The following SMYD3 variants were observed in gnomAD, a reference collection of about 807,000 sequenced individuals.
The protein encoded by SMYD3 is histone-lysine N-methyltransferase SMYD3.
SMYD3 carries 36 observed loss-of-function variants against 57.7 expected under a neutral mutation model. The observed-to-expected ratio is 0.62, with a 90% confidence interval of 0.48 to 0.82. SMYD3 has a LOEUF of 0.82. SMYD3 is among the 40% of genes least tolerant of loss of function. The pLI, the probability that SMYD3 is intolerant of heterozygous loss-of-function variation, is 0.00. For synonymous variants in SMYD3, 211 were observed against 195.0 expected (o/e 1.08, Z -0.68); for missense variants, 515 against 538.8 (o/e 0.96, Z 0.44).
intron 10 of SMYD3, among the ~76,000 whole-genome samples, chr1:245,802,301 G>C (rs76852369): frequency 2.0e-5 from 3 of 152,220 alleles, no homozygotes; most frequent in African/African-American, 7.2e-5. Flanking sequence ...GACAACTGCT[G>C]TGAAGCCATT....
At chr1:245,777,333 A>T (rs1000404393) in intron 10 of SMYD3, among the ~76,000 whole-genome samples, 16 of 152,256 alleles carry the variant, frequency 1.1e-4, no homozygotes, top group African/African-American at 3.9e-4. Context: ...GTACAAAACT[A>T]GTCAAAATTG....
intron 2 of SMYD3, among the ~76,000 whole-genome samples, chr1:246,350,929 G>A (rs942481365): frequency 6.6e-6 from 1 of 152,192 alleles, no homozygotes; most frequent in African/African-American, 2.4e-5. Flanking sequence ...ATACAAAGCT[G>A]ACTTATCTAC....
intron 1 of SMYD3, among the ~76,000 whole-genome samples, chr1:246,487,695 CTT>C (rs1169903118): frequency 1.2e-4 from 17 of 138,846 alleles, no homozygotes; most frequent in Admixed American, 1.5e-4. Context: ...CCACTCAGAT[CTT>C]TTTTTTTTTT....
intron 5 of SMYD3, among the ~76,000 whole-genome samples, chr1:245,979,807 T>C (rs1316607242): frequency 6.6e-6 from 1 of 151,918 alleles, no homozygotes; most frequent in Non-Finnish European, 1.5e-5. Context: ...AGCTAGATGG[T>C]CTCTAATTCC....
Position 246,297,393 on chromosome 1 carries a change from G to A in SMYD3, c.531+29808C>T, listed in dbSNP as rs191336617. Among the ~76,000 whole-genome samples the A allele has an allele frequency of 3.2e-3, 482 of 152,274 alleles. 2 individuals carry two copies. Among genetic ancestry groups the A allele is most frequent in the Non-Finnish European group, 5.2e-3 (351 of 68,002 alleles). On this transcript the variant is annotated intron_variant, in intron 5 of 11. Transcript: ENST00000490107. Reference sequence around the variant, plus strand: ...ATTTAGGATGTAACTAGTTACGTGAGTGAATTCACTTCAGTACGGTAGTAG... The same window carrying A: ...ATTTAGGATGTAACTAGTTACGTGAATGAATTCACTTCAGTACGGTAGTAG...
At chr1:246,483,648 G>C (rs970090082) in intron 1 of SMYD3, 2 of 152,148 alleles carry the variant, frequency 1.3e-5, no homozygotes, top group Non-Finnish European at 2.9e-5. Flanking sequence ...AATGTTCTCT[G>C]ATACAATTGT....
chr1:245,829,210 A>G (rs924311396), intron 10 of SMYD3, among the ~76,000 whole-genome samples: 3 of 151,760 alleles, frequency 2.0e-5, no homozygotes, highest in Non-Finnish European at 2.9e-5. Flanking sequence ...TAACTAACCT[A>G]TAAGAAGCTA....
At chr1:245,894,894 T>C (rs540096683) in intron 8 of SMYD3, among the ~76,000 whole-genome samples, 3 of 152,264 alleles carry the variant, frequency 2.0e-5, no homozygotes, top group Non-Finnish European at 2.9e-5. Flanking sequence ...CCACAAATTG[T>C]GGAGAGACCA....
intron 5 of SMYD3, among the ~76,000 whole-genome samples, chr1:245,935,745 A>T (rs2056956851): frequency 6.6e-6 from 1 of 152,208 alleles, no homozygotes; most frequent in South Asian, 2.1e-4. Flanking sequence ...ATATGGATGA[A>T]CCTGGAGGAC....
At chr1:245,789,101 C>T (rs753674615) in intron 10 of SMYD3, among the ~76,000 whole-genome samples, 7 of 152,076 alleles carry the variant, frequency 4.6e-5, no homozygotes, top group Non-Finnish European at 7.4e-5. Flanking sequence ...TTTGGAGTCC[C>T]GGATGCTTGC....
chr1:245,910,773 A>G (rs550590281), intron 8 of SMYD3, among the ~76,000 whole-genome samples: 2 of 152,240 alleles, frequency 1.3e-5, no homozygotes, highest in South Asian at 4.1e-4. Flanking sequence ...ATATTTGAAT[A>G]TAAGACCTAA....
rs145475662 is a variant in SMYD3, at chr1:246,293,196, G to A, written c.531+34005C>T. 3.4e-3 allele frequency among the ~76,000 whole-genome samples: 520 copies of A among 151,708 alleles called. 1 individual carries two copies. Among genetic ancestry groups the A allele is most frequent in the Non-Finnish European group, 4.5e-3 (307 of 67,982 alleles). On this transcript the variant is annotated intron_variant, in intron 5 of 11. Transcript: ENST00000490107. ...AAGAATGTTATGGGTCCCTGACCTA[G>A]TGGATGATCTCTCCCTCTCTCCATG...
At chr1:246,017,133 G>A (rs948180005) in intron 5 of SMYD3, among the ~76,000 whole-genome samples, 1 of 152,090 alleles carries the variant, frequency 6.6e-6, no homozygotes, top group African/African-American at 2.4e-5. Context: ...AAGGTATGAG[G>A]CCATCAGCAC....
chr1:246,476,396 G>A (rs2068031987), intron 1 of SMYD3, among the ~76,000 whole-genome samples: 1 of 152,298 alleles, frequency 6.6e-6, no homozygotes. Context: ...CACATCACCT[G>A]GAGATCTTGT....
At chr1:245,814,694 C>T (rs10924340) in intron 10 of SMYD3, among the ~76,000 whole-genome samples, 93,256 of 151,956 alleles carry the variant, frequency 0.61, 34,101 homozygotes, top group Non-Finnish European at 0.83. Flanking sequence ...CTAAGAGCTC[C>T]GATGAGGAAT....
At chr1:246,489,289 T>C (rs1361813377) in intron 1 of SMYD3, among the ~76,000 whole-genome samples, 1 of 152,006 alleles carries the variant, frequency 6.6e-6, no homozygotes, top group East Asian at 1.9e-4. Context: ...GAGGCTGAGG[T>C]TGCAGTGAGC....
At chr1:245,830,204 T>C (rs956274911) in intron 10 of SMYD3, among the ~76,000 whole-genome samples, 8 of 152,230 alleles carry the variant, frequency 5.3e-5, no homozygotes, top group Admixed American at 6.5e-5. Context: ...GTTCTCATGC[T>C]GCTAATAAAG....
intron 5 of SMYD3, among the ~76,000 whole-genome samples, chr1:246,231,938 C>T (rs2063413935): frequency 6.6e-6 from 1 of 152,116 alleles, no homozygotes; most frequent in South Asian, 2.1e-4. Context: ...GAGCACTGAA[C>T]AGATTTTAGG....
chr1:246,076,516 A>C (rs1279167591), intron 5 of SMYD3, among the ~76,000 whole-genome samples: 1 of 152,208 alleles, frequency 6.6e-6, no homozygotes, highest in East Asian at 1.9e-4. Flanking sequence ...CCAAAATCTT[A>C]GACTTAACTA....
Sources: gnomAD v4.1 joint callset for allele counts (sites outside exome capture counted in the v4.1 genomes callset) on GRCh38, gnomAD v4.1.1 for gene constraint, MANE v1.5 for transcripts, NCBI Gene and HGNC (gene_info 2026-07-23, HGNC 2026-07-21) for gene names.